The following ROBO2 variants were observed in gnomAD, a reference collection of about 807,000 sequenced individuals.
ROBO2 encodes the protein roundabout guidance receptor 2, also known as roundabout homolog 2.
In ROBO2, 53 loss-of-function variants were observed where a neutral mutation model predicts 160.8. That is an observed-to-expected ratio of 0.33 (90% CI 0.26 to 0.41). The LOEUF (loss-of-function observed/expected upper bound fraction) is 0.41. ROBO2 is among the 10% of genes least tolerant of loss of function. ROBO2 has a pLI of 1.00. For synonymous variants in ROBO2, 664 were observed against 611.7 expected (o/e 1.09, Z -1.26); for missense variants, 1,577 against 1,722.4 (o/e 0.92, Z 1.49).
chr3:76,086,466 A>C (rs2069016157), intron 2 of ROBO2, among the ~76,000 whole-genome samples: 1 of 152,058 alleles, frequency 6.6e-6, no homozygotes, highest in Non-Finnish European at 1.5e-5. Context: ...ATCCTATGTC[A>C]CCCAATGGGC....
intron 2 of ROBO2, among the ~76,000 whole-genome samples, chr3:75,955,458 ACGTGATTGTG>A (rs1948687329): frequency 6.6e-6 from 1 of 151,348 alleles, no homozygotes; most frequent in African/African-American, 2.4e-5. Flanking sequence ...TAATCTCGTG[ACGTGATTGTG>A]AAAGTCTTAA....
chr3:77,277,149 C>CTTCCTTCCTTATTTCT (rs1553882798), intron 2 of ROBO2, among the ~76,000 whole-genome samples: 1 of 99,952 alleles, frequency 1.0e-5, no homozygotes, highest in African/African-American at 3.7e-5. Context: ...TCCTTCTTTC[C>CTTCCTTCCTTATTTCT]TTCTTTCCTT....
At chr3:76,598,528 C>T (rs146665737) in intron 2 of ROBO2, among the ~76,000 whole-genome samples, 2,101 of 152,136 alleles carry the variant, frequency 0.014, 19 homozygotes, top group South Asian at 0.028. Context: ...TTTTCCACTA[C>T]GGTTTTATAA....
At chr3:76,383,434 T>C (rs967726955) in intron 2 of ROBO2, among the ~76,000 whole-genome samples, 4 of 152,220 alleles carry the variant, frequency 2.6e-5, no homozygotes, top group South Asian at 2.1e-4. Context: ...TATATATTGA[T>C]GCTTATGGTA....
Position 77,226,935 on chromosome 3 carries a change from G to A in ROBO2, c.388+128595G>A, listed in dbSNP as rs1234115944. Among the ~76,000 whole-genome samples the A allele has an allele frequency of 3.9e-5, 6 of 152,202 alleles. No individual in the cohort carries two copies. In the Middle Eastern group the frequency reaches 0.01, roughly 259 times the overall value. ...AAATCATAAGTCGGTGACTGTGCTC[G>A]GTTAAAAAGTAGTGGTTGCTGACCA... On this transcript the variant is annotated intron_variant, in intron 2 of 25. Coordinates refer to ENST00000461745, the Ensembl canonical transcript of ROBO2.
chr3:77,425,590 G>T (rs554444645), intron 2 of ROBO2, among the ~76,000 whole-genome samples: 1 of 152,144 alleles, frequency 6.6e-6, no homozygotes, highest in African/African-American at 2.4e-5. Flanking sequence ...TGAAGACTGG[G>T]TATGAGGAGG....
intron 2 of ROBO2, among the ~76,000 whole-genome samples, chr3:76,049,007 A>G (rs182201302): frequency 6.6e-6 from 1 of 152,124 alleles, no homozygotes; most frequent in Non-Finnish European, 1.5e-5. Flanking sequence ...GGCACATATG[A>G]TGGTACAACT....
intron 2 of ROBO2, among the ~76,000 whole-genome samples, chr3:76,459,549 A>T (rs913660514): frequency 6.6e-6 from 1 of 152,146 alleles, no homozygotes; most frequent in African/African-American, 2.4e-5. Flanking sequence ...TTCAGCCTCA[A>T]TGTTCATATT....
At chr3:77,238,093 C>T (rs78338707) in intron 2 of ROBO2, among the ~76,000 whole-genome samples, 21,061 of 149,342 alleles carry the variant, frequency 0.14, 1,546 homozygotes, top group Middle Eastern at 0.16. Context: ...TTTTTTTTTG[C>T]TGTTGAGATT....
chr3:77,150,420 A>G (rs537008182), intron 2 of ROBO2, among the ~76,000 whole-genome samples: 2 of 152,334 alleles, frequency 1.3e-5, no homozygotes, highest in Non-Finnish European at 2.9e-5. Context: ...TTGAGGTTTC[A>G]TATTTATTTG....
At chr3:76,896,372 AT>A (rs879505898) in intron 2 of ROBO2, among the ~76,000 whole-genome samples, 1 of 152,096 alleles carries the variant, frequency 6.6e-6, no homozygotes, top group Non-Finnish European at 1.5e-5. Flanking sequence ...TATGATCTTG[AT>A]TTTTTTAACT....
chr3:76,465,704 T>C (rs2078324207), intron 2 of ROBO2, among the ~76,000 whole-genome samples: 1 of 151,988 alleles, frequency 6.6e-6, no homozygotes, highest in Admixed American at 6.6e-5. Flanking sequence ...TTAATATAAT[T>C]TCTGTATGCT....
chr3:77,296,347 C>A (rs1216481915), intron 2 of ROBO2, among the ~76,000 whole-genome samples: 1 of 151,946 alleles, frequency 6.6e-6, no homozygotes, highest in Non-Finnish European at 1.5e-5. Context: ...TCACCCCAGA[C>A]ATAAAGTAAA....
At chr3:77,597,426 G>A (rs2094332789) in intron 19 of ROBO2, among the ~76,000 whole-genome samples, 1 of 152,172 alleles carries the variant, frequency 6.6e-6, no homozygotes, top group Admixed American at 6.5e-5. Flanking sequence ...GTAACCTACT[G>A]TAAATAACTA....
intron 2 of ROBO2, among the ~76,000 whole-genome samples, chr3:77,192,340 G>A (rs34900121): frequency 0.2 from 29,814 of 151,906 alleles, 3,363 homozygotes; most frequent in Middle Eastern, 0.31. Flanking sequence ...ATTTCATAAA[G>A]TCCGTGGGTC....
intron 2 of ROBO2, among the ~76,000 whole-genome samples, chr3:76,993,240 A>G (rs2060793733): frequency 6.6e-6 from 1 of 152,218 alleles, no homozygotes. Context: ...CTCATCTTCT[A>G]AGAAGAGTTA....
intron 2 of ROBO2, among the ~76,000 whole-genome samples, chr3:76,287,983 A>T (rs1237265296): frequency 1.3e-5 from 2 of 152,234 alleles, no homozygotes; most frequent in Non-Finnish European, 2.9e-5. Context: ...AATGAGTAAA[A>T]ACAATTTCCA....
intron 2 of ROBO2, among the ~76,000 whole-genome samples, chr3:76,821,368 A>C (rs1356745590): frequency 6.6e-6 from 1 of 152,070 alleles, no homozygotes; most frequent in East Asian, 1.9e-4. Flanking sequence ...GAATTCAATT[A>C]GCATTTCAAA....
chr3:76,130,136 A>G (rs2615651), intron 2 of ROBO2, among the ~76,000 whole-genome samples: 148,297 of 152,092 alleles, frequency 0.98, 72,402 homozygotes, highest in East Asian at 1. Context: ...TATACTGGGT[A>G]ATATATATGC....
Sources: allele counts gnomAD v4.1 joint callset (sites outside exome capture counted in the v4.1 genomes callset), GRCh38; gene constraint gnomAD v4.1.1; transcripts MANE v1.5; gene names NCBI Gene and HGNC (gene_info 2026-07-23, HGNC 2026-07-21).